Variants in STRADB observed in about 807,000 individuals in gnomAD.
STRADB encodes the protein STE20-related kinase adapter protein beta.
Under a neutral mutation model 52.1 loss-of-function variants are expected in STRADB, and 34 were observed. The ratio of observed to expected loss-of-function variants is 0.65; its 90% confidence interval spans 0.50 to 0.87. The LOEUF is 0.87. Among genes scored for constraint, STRADB ranks in the 40% least tolerant of loss-of-function variants. The pLI is 0.00. For synonymous variants in STRADB, 133 were observed against 174.5 expected, an observed-to-expected ratio of 0.76 and a Z score of 1.87; for missense variants, 340 against 483.9, an observed-to-expected ratio of 0.70 and a Z score of 2.79.
chr2:201,462,887 A>G (rs1208500043), intron 3 of STRADB, among the ~76,000 whole-genome samples: 3 of 152,142 alleles, frequency 2.0e-5, no homozygotes, highest in African/African-American at 7.2e-5. Flanking sequence ...CCTTCAGATA[A>G]TTTCTTACTG....
At chr2:201,479,653 ATAAAGT>A (rs1952539253) in intron 11 of STRADB, 122 bp downstream of exon 11, 2 of 1,004,316 alleles carry the variant, frequency 2.0e-6, no homozygotes, top group South Asian at 3.4e-5. Context: ...TTGTTACAAA[ATAAAGT>A]TAAAAACAAG....
intron 9 of STRADB, 67 bp downstream of exon 9, chr2:201,478,258 T>C: frequency 1.3e-6 from 2 of 1,589,658 alleles, no homozygotes; most frequent in Non-Finnish European, 1.7e-6. Flanking sequence ...AGATAATTTC[T>C]GTTAAACATG....
At chr2:201,466,155 C>A (rs1952302084) in intron 3 of STRADB, among the ~76,000 whole-genome samples, 1 of 152,148 alleles carries the variant, frequency 6.6e-6, no homozygotes, top group Non-Finnish European at 1.5e-5. Context: ...TCTTTATCCA[C>A]CTCCCTCCCA....
chr2:201,458,950 C>T, intron 3 of STRADB, 86 bp downstream of exon 3: 1 of 1,239,166 alleles, frequency 8.1e-7, no homozygotes, highest in Non-Finnish European at 1.2e-6. Context: ...TCACTTGAGC[C>T]TAGGAGTTCG....
chr2:201,472,923 G>GTTACTAACA (rs775870597), intron 4 of STRADB, 32 bp from the exon 5 acceptor site: 1 of 1,536,552 alleles, frequency 6.5e-7, no homozygotes, highest in Admixed American at 2.1e-5. Flanking sequence ...TTCTTCTTTG[G>GTTACTAACA]TTACTAACAT....
rs1952550689 is a variant in STRADB at position 201,480,299 on chromosome 2, A to T, written c.*124A>T. 2 of 1,523,890 alleles carry T rather than the reference A, an allele frequency of 1.3e-6. No individual in the cohort carries two copies. Among genetic ancestry groups the T allele is most frequent in the Non-Finnish European group, 8.8e-7 (1 of 1,140,746 alleles). The allele number at this position is 1,523,890 out of a possible 1,614,324, so 94.4% of individuals were successfully genotyped here. A position where few individuals can be genotyped will look rare whatever the true frequency, so the allele number is the denominator to read the frequency against. On this transcript the variant is annotated 3_prime_UTR_variant, in exon 12 of 12. Transcript: ENST00000194530. The stretch of plus-strand genomic sequence containing the variant: ...ATACAGTTGGTGCACTGGAGAATCT[A>T]TTATTTAAAACCACTCTGTTCAAAG...
At position 201,474,703 on chromosome 2, in the gene STRADB, A is replaced by C. The variant is rs112608253; in HGVS notation, c.372A>C (p.Thr124=). The stretch of plus-strand genomic sequence containing the variant: ...ATCCCAATATTACAACTTATTGGAC[A>C]GTTTTCACTGTTGGCAGCTGGCTTT... The part of the protein sequence containing the change: ...FRHPNITTYW[T]VFTVGSWLWV... The change falls in exon 6 of 12, where the codon ACA becomes ACC. Residue 124 remains threonine (T), a synonymous_variant. Coordinates refer to ENST00000194530, the MANE Select transcript of STRADB (RefSeq NM_018571.6). The C allele has an allele frequency of 1.1e-5, 18 of 1,612,142 alleles. No individual in the cohort carries two copies. Among genetic ancestry groups the C allele is most frequent in the African/African-American group, 9.3e-5 (7 of 74,958 alleles).
At chr2:201,468,305 ATCTGAGT>A (rs1004181807) in intron 3 of STRADB, among the ~76,000 whole-genome samples, 1 of 151,972 alleles carries the variant, frequency 6.6e-6, no homozygotes, top group Non-Finnish European at 1.5e-5. Flanking sequence ...CTCTTAGTAA[ATCTGAGT>A]TGTCTTCTTG....
At chr2:201,472,714 T>C (rs1952409682) in intron 4 of STRADB, 1 of 292,744 alleles carries the variant, frequency 3.4e-6, no homozygotes, top group African/African-American at 2.2e-5. Flanking sequence ...ATCTTGAGCA[T>C]CTTTTCATAG....
intron 5 of STRADB, 146 bp downstream of exon 5, chr2:201,473,222 T>C: frequency 1.4e-6 from 1 of 703,244 alleles, no homozygotes; most frequent in Non-Finnish European, 2.0e-6. Flanking sequence ...ACAGCATAAC[T>C]ATTTACATAG....
Position 201,468,338 on chromosome 2 carries a change from T to C in STRADB, c.94-1615T>C, listed in dbSNP as rs187476717. On this transcript the variant is annotated intron_variant, in intron 3 of 11. Transcript: ENST00000194530. ...TGTCTTCTTGTGATTACCATGTGGC[T>C]TTTTAAAGTGCCCATAATTCACCTA... Among the ~76,000 whole-genome samples, 5 of 152,296 alleles carry C rather than the reference T, an allele frequency of 3.3e-5. No individual in the cohort carries two copies. In the South Asian group the frequency reaches 6.2e-4, roughly 19 times the overall value.
intron 3 of STRADB, among the ~76,000 whole-genome samples, chr2:201,465,158 CAGA>C (rs1327271481): frequency 6.6e-6 from 1 of 151,990 alleles, no homozygotes; most frequent in African/African-American, 2.4e-5. Context: ...TCTACTCAAC[CAGA>C]AGGAGCCTCT....
intron 4 of STRADB, among the ~76,000 whole-genome samples, chr2:201,472,329 C>T (rs1952402958): frequency 1.3e-5 from 2 of 152,174 alleles, no homozygotes; most frequent in Admixed American, 6.5e-5. Flanking sequence ...GCTTTATAGT[C>T]ACCAAAAACT....
intron 6 of STRADB, 109 bp downstream of exon 6, chr2:201,474,864 G>A: frequency 1.2e-6 from 1 of 853,890 alleles, no homozygotes; most frequent in Non-Finnish European, 1.8e-6. Flanking sequence ...TAAGTCTAAT[G>A]ACTGATTTTA....
chr2:201,465,864 G>T (rs1952294580), intron 3 of STRADB, among the ~76,000 whole-genome samples: 1 of 152,180 alleles, frequency 6.6e-6, no homozygotes, highest in Non-Finnish European at 1.5e-5. Flanking sequence ...TCTTTACTGT[G>T]TTGCTCTCTG....
intron 2 of STRADB, 82 bp from the exon 3 acceptor site, chr2:201,458,701 AT>A: frequency 3.2e-6 from 4 of 1,258,872 alleles, no homozygotes; most frequent in Non-Finnish European, 4.6e-6. Flanking sequence ...CACTGTAGTC[AT>A]TAGACCTTTT....
chr2:201,479,817 A>G (rs1952541882), intron 11 of STRADB, among the ~76,000 whole-genome samples: 1 of 152,306 alleles, frequency 6.6e-6, no homozygotes, highest in South Asian at 2.1e-4. Flanking sequence ...GTTGGCTAGA[A>G]ATGATGAAAG....
chr2:201,473,166 T>C (rs1216383644), intron 5 of STRADB, 90 bp downstream of exon 5: 2 of 1,151,738 alleles, frequency 1.7e-6, no homozygotes, highest in East Asian at 6.2e-5. Context: ...ATAGAAAATA[T>C]ATATTTTAAA....
chr2:201,480,800 T>A lies in STRADB; in HGVS notation c.*625T>A, dbSNP rs1952559779. On this transcript the variant is annotated 3_prime_UTR_variant, in exon 12 of 12. Coordinates refer to ENST00000194530, the MANE Select transcript of STRADB (RefSeq NM_018571.6). ...TCCTACTTATGTAAATTATAGATCC[T>A]AAATTCACGCACCCCGTGGGAGCTC... is the stretch of plus-strand genomic sequence containing the variant. 1 of 985,698 alleles carries A rather than the reference T, an allele frequency of 1.0e-6. No individual in the cohort carries two copies. The highest frequency in any genetic ancestry group is 1.2e-6 in the Non-Finnish European group (1 of 829,926). 61.1% of individuals were successfully genotyped at this position (985,698 alleles called of 1,614,324 possible).
Sources: allele counts gnomAD v4.1 joint callset (sites outside exome capture counted in the v4.1 genomes callset), GRCh38; gene constraint gnomAD v4.1.1; transcripts MANE v1.5; gene names NCBI Gene and HGNC (gene_info 2026-07-23, HGNC 2026-07-21).